The following GNAQ variants were observed in gnomAD, a reference collection of about 807,000 sequenced individuals.
GNAQ encodes the protein G protein subunit alpha q.
GNAQ carries 8 observed loss-of-function variants against 43.9 expected under a neutral mutation model. That is an observed-to-expected ratio of 0.18 (90% CI 0.11 to 0.33). GNAQ has a LOEUF of 0.33. Among genes scored for constraint, GNAQ ranks in the 10% least tolerant of loss-of-function variants. The pLI, the probability that GNAQ is intolerant of heterozygous loss-of-function variation, is 1.00. For synonymous variants in GNAQ, 155 were observed against 170.7 expected (o/e 0.91, Z 0.71); for missense variants, 158 against 450.8 (o/e 0.35, Z 5.88).
intron 2 of GNAQ, among the ~76,000 whole-genome samples, chr9:77,897,837 C>G (rs1242556897): frequency 2.0e-5 from 3 of 151,854 alleles, no homozygotes; most frequent in Admixed American, 6.6e-5. Flanking sequence ...CCTGCTCCCC[C>G]ACATCAGTCA....
chr9:77,982,847 A>G (rs1321449724), intron 1 of GNAQ, among the ~76,000 whole-genome samples: 2 of 147,434 alleles, frequency 1.4e-5, no homozygotes, highest in Non-Finnish European at 3.0e-5. Context: ...CCTAATGTAA[A>G]TGACGAGTTA....
intron 1 of GNAQ, among the ~76,000 whole-genome samples, chr9:77,955,534 G>A (rs1823031282): frequency 6.6e-6 from 1 of 152,310 alleles, no homozygotes; most frequent in South Asian, 2.1e-4. Context: ...TATACTTTGT[G>A]TCTACTCCTA....
chr9:77,896,436 A>G (rs1185456440), intron 2 of GNAQ, among the ~76,000 whole-genome samples: 1 of 152,204 alleles, frequency 6.6e-6, no homozygotes, highest in Non-Finnish European at 1.5e-5. Flanking sequence ...TTACTGAAGT[A>G]TTTCAGAGGA....
intron 6 of GNAQ, among the ~76,000 whole-genome samples, chr9:77,725,932 C>T (rs1825391255): frequency 1.3e-5 from 2 of 152,136 alleles, no homozygotes; most frequent in South Asian, 4.1e-4. Flanking sequence ...TGCCAGCCCA[C>T]AAGATGGGGT....
In GNAQ at chr9:77,734,562, G is replaced by A. The variant is rs571794874; in HGVS notation, c.736-5895C>T. On this transcript the variant is annotated intron_variant, in intron 5 of 6. Coordinates refer to ENST00000286548, the MANE Select transcript of GNAQ (RefSeq NM_002072.5). The stretch of plus-strand genomic sequence containing the variant: ...TATGAGCTGTTCTCAGCTGACCTGA[G>A]GTAGGATGGACCCCAGAGAAACTGT... Among the ~76,000 whole-genome samples, 6 of 152,274 alleles carry A rather than the reference G, an allele frequency of 3.9e-5. No individual in the cohort carries two copies. The South Asian group carries it at 1.0e-3, about 26-fold the overall frequency.
intron 2 of GNAQ, among the ~76,000 whole-genome samples, chr9:77,861,584 A>C (rs1319561350): frequency 6.6e-6 from 1 of 152,184 alleles, no homozygotes; most frequent in Non-Finnish European, 1.5e-5. Flanking sequence ...TCCAAATGGG[A>C]GAAATTGGCC....
At chr9:77,743,387 G>A (rs767870489) in intron 5 of GNAQ, among the ~76,000 whole-genome samples, 1 of 152,188 alleles carries the variant, frequency 6.6e-6, no homozygotes, top group Non-Finnish European at 1.5e-5. Context: ...TAACTCTTCA[G>A]GTATCCAGAG....
chr9:77,964,199 C>T (rs1354571556), intron 1 of GNAQ, among the ~76,000 whole-genome samples: 4 of 151,970 alleles, frequency 2.6e-5, no homozygotes, highest in Non-Finnish European at 5.9e-5. Flanking sequence ...AATGATAAAC[C>T]GGTTAACTTA....
chr9:77,763,142 A>AAAC (rs1491163772), intron 5 of GNAQ, among the ~76,000 whole-genome samples: 226 of 27,164 alleles, frequency 8.3e-3, no homozygotes, highest in African/African-American at 0.019. Flanking sequence ...ACAAACAAAC[A>AAAC]AAAAAAAAAA....
intron 3 of GNAQ, among the ~76,000 whole-genome samples, chr9:77,805,551 C>A (rs555774140): frequency 6.6e-6 from 1 of 151,982 alleles, no homozygotes; most frequent in East Asian, 1.9e-4. Flanking sequence ...ATTACATGCG[C>A]GCAGCACCAG....
chr9:77,849,422 T>A (rs993362474), intron 2 of GNAQ, among the ~76,000 whole-genome samples: 1 of 152,108 alleles, frequency 6.6e-6, no homozygotes, highest in African/African-American at 2.4e-5. Flanking sequence ...GGTCAGGAGT[T>A]CAATGTGGAG....
intron 1 of GNAQ, among the ~76,000 whole-genome samples, chr9:77,977,132 G>A (rs974656025): frequency 2.6e-5 from 4 of 151,658 alleles, no homozygotes; most frequent in African/African-American, 4.8e-5. Flanking sequence ...CCTGAGAGAG[G>A]CAAAATGAGA....
At chr9:77,832,109 C>T (rs1827307908) in intron 2 of GNAQ, among the ~76,000 whole-genome samples, 1 of 147,506 alleles carries the variant, frequency 6.8e-6, no homozygotes, top group Non-Finnish European at 1.5e-5. Flanking sequence ...TTGGCTTTTC[C>T]AACACTTTTT....
chr9:77,987,332 T>A (rs1016175770), intron 1 of GNAQ, among the ~76,000 whole-genome samples: 2 of 151,288 alleles, frequency 1.3e-5, no homozygotes, highest in Admixed American at 6.6e-5. Context: ...ATGGTAGGAG[T>A]CAGTTAGACC....
At chr9:77,809,397 AGGGAGCT>A (rs1001864737) in intron 3 of GNAQ, among the ~76,000 whole-genome samples, 1 of 152,188 alleles carries the variant, frequency 6.6e-6, no homozygotes, top group African/African-American at 2.4e-5. Flanking sequence ...GGCTAATGTC[AGGGAGCT>A]TTTGGTACTG....
intron 3 of GNAQ, among the ~76,000 whole-genome samples, chr9:77,804,363 T>C (rs1826791356): frequency 6.6e-6 from 1 of 152,118 alleles, no homozygotes. Context: ...ACATTATAGC[T>C]AGGGTTAATA....
intron 5 of GNAQ, among the ~76,000 whole-genome samples, 191 bp downstream of exon 5, chr9:77,794,268 GAACA>G (rs1235157806): frequency 4.6e-5 from 7 of 152,016 alleles, no homozygotes; most frequent in Admixed American, 1.3e-4. Context: ...AATTAGATTT[GAACA>G]CAAAGACCTG....
At chr9:77,969,859 C>T (rs1823214554) in intron 1 of GNAQ, among the ~76,000 whole-genome samples, 1 of 152,198 alleles carries the variant, frequency 6.6e-6, no homozygotes, top group Admixed American at 6.5e-5. Flanking sequence ...TCCGTAGACA[C>T]AGAGACCAGT....
chr9:77,889,844 T>C (rs1338784436), intron 2 of GNAQ, among the ~76,000 whole-genome samples: 1 of 152,216 alleles, frequency 6.6e-6, no homozygotes, highest in Non-Finnish European at 1.5e-5. Context: ...TAAATTATCA[T>C]GGCCTAGAAA....
Sources: gnomAD v4.1 joint callset for allele counts (sites outside exome capture counted in the v4.1 genomes callset) on GRCh38, gnomAD v4.1.1 for gene constraint, MANE v1.5 for transcripts, NCBI Gene and HGNC (gene_info 2026-07-23, HGNC 2026-07-21) for gene names.